The following CIT variants were observed in gnomAD, a reference collection of about 807,000 sequenced individuals.
The protein encoded by CIT is citron rho-interacting serine/threonine kinase, also known as citron Rho-interacting kinase.
In CIT, 79 loss-of-function variants were observed where a neutral mutation model predicts 272.7. That is an observed-to-expected ratio of 0.29 (90% CI 0.24 to 0.35). The LOEUF is 0.35. Among genes scored for constraint, CIT ranks in the 10% least tolerant of loss-of-function variants. The pLI is 1.00. For synonymous variants in CIT, 948 were observed against 995.6 expected, an observed-to-expected ratio of 0.95 and a Z score of 0.90; for missense variants, 1,909 against 2,618.3, an observed-to-expected ratio of 0.73 and a Z score of 5.91.
intron 3 of CIT, among the ~76,000 whole-genome samples, chr12:119,867,137 A>C (rs530106652): frequency 3.9e-5 from 6 of 152,226 alleles, no homozygotes; most frequent in African/African-American, 1.4e-4. Context: ...AATACAGAGC[A>C]GAGGAATCCC....
At chr12:119,789,394 T>A (rs193259889) in intron 10 of CIT, among the ~76,000 whole-genome samples, 22 of 152,286 alleles carry the variant, frequency 1.4e-4, no homozygotes, top group African/African-American at 5.3e-4. Flanking sequence ...TTAATGGTGG[T>A]GGGCTATGAA....
At chr12:119,709,803 T>A (rs879596800) in intron 39 of CIT, among the ~76,000 whole-genome samples, 11,658 of 137,662 alleles carry the variant, frequency 0.085, 1,092 homozygotes, top group African/African-American at 0.25. Context: ...TGTGTGTGTG[T>A]GTGTGTGTGT....
chr12:119,872,173 GC>G (rs1289571215), intron 2 of CIT, among the ~76,000 whole-genome samples: 1 of 152,072 alleles, frequency 6.6e-6, no homozygotes, highest in African/African-American at 2.4e-5. Flanking sequence ...TTCTTAAAAT[GC>G]CCTTTATGAA....
intron 39 of CIT, 126 bp from the exon 40 acceptor site, chr12:119,708,444 C>G: frequency 1.1e-6 from 1 of 943,144 alleles, no homozygotes; most frequent in Non-Finnish European, 1.5e-6. Flanking sequence ...GAGTTTTCCA[C>G]AAATCCATAT....
At chr12:119,704,557 G>C (rs1956773184) in intron 40 of CIT, 102 bp from the exon 41 acceptor site, 5 of 992,046 alleles carry the variant, frequency 5.0e-6, no homozygotes, top group Non-Finnish European at 7.7e-6. Context: ...TGATGATTCA[G>C]ACCAGATCAT....
At chr12:119,871,911 T>C (rs940422883) in intron 2 of CIT, among the ~76,000 whole-genome samples, 1 of 152,196 alleles carries the variant, frequency 6.6e-6, no homozygotes, top group Non-Finnish European at 1.5e-5. Flanking sequence ...AAGGCCACCA[T>C]ATCTGTCACT....
In CIT at chr12:119,686,147, C is replaced by T. The variant is rs879177268; in HGVS notation, c.*2085G>A. The T allele has an allele frequency of 2.7e-5, 4 of 150,602 alleles. No homozygotes were observed. Among genetic ancestry groups the T allele is most frequent in the African/African-American group, 7.3e-5 (3 of 40,914 alleles). 9.3% of individuals were successfully genotyped at this position (150,602 alleles called of 1,614,324 possible). ...ATTCAATTTCCTCTTTTTTTTTTTA[C>T]GAATATAAAGTTTCTTGTAAATATG... On this transcript the variant is annotated 3_prime_UTR_variant, in exon 48 of 48. Coordinates refer to ENST00000392521, the MANE Select transcript of CIT (RefSeq NM_001206999.2).
chr12:119,829,769 G>C (rs1269802208), intron 7 of CIT, among the ~76,000 whole-genome samples: 1 of 152,170 alleles, frequency 6.6e-6, no homozygotes, highest in East Asian at 1.9e-4. Flanking sequence ...ACTAGGCCCT[G>C]TGTTTACTAA....
chr12:119,787,482 A>C (rs796465069), intron 10 of CIT, among the ~76,000 whole-genome samples: 9 of 151,770 alleles, frequency 5.9e-5, no homozygotes, highest in African/African-American at 2.2e-4. Flanking sequence ...CTGTAATCTC[A>C]GCACTTTGGG....
chr12:119,735,843 G>C (rs1005182120), intron 24 of CIT, among the ~76,000 whole-genome samples: 1 of 152,096 alleles, frequency 6.6e-6, no homozygotes, highest in Admixed American at 6.5e-5. Flanking sequence ...GACGCCAGGA[G>C]TTATTTCGAT....
At chr12:119,742,501 G>T in intron 23 of CIT, 37 bp from the exon 24 acceptor site, 4 of 1,524,684 alleles carry the variant, frequency 2.6e-6, no homozygotes, top group Non-Finnish European at 2.7e-6. Context: ...TTTTTCATAG[G>T]GTAGAATACA....
intron 5 of CIT, among the ~76,000 whole-genome samples, chr12:119,845,643 ACT>A (rs1969745256): frequency 7.6e-6 from 1 of 131,902 alleles, no homozygotes; most frequent in Non-Finnish European, 1.6e-5. Context: ...ACAGAGCAAG[ACT>A]CTGTCTCAAA....
intron 9 of CIT, among the ~76,000 whole-genome samples, chr12:119,812,456 T>C (rs1489841903): frequency 6.6e-6 from 1 of 152,040 alleles, no homozygotes; most frequent in South Asian, 2.1e-4. Context: ...TTTTTTTTTT[T>C]AGAGACAGTG....
At position 119,803,247 on chromosome 12, in the gene CIT, C is replaced by G. The variant is rs755979703; in HGVS notation, c.1254G>C (p.Gly418=). The G allele has an allele frequency of 1.3e-6, 2 of 1,598,112 alleles. No homozygotes were observed. Among genetic ancestry groups the G allele is most frequent in the Non-Finnish European group, 1.7e-6 (2 of 1,173,784 alleles). The part of the protein sequence containing the change: ...GFSGEELPFV[G]FSYSKALGIL... ...TCCCCAGTGCCTTGCTGTACGAAAA[C>G]CCCACAAACGGCAGTTCTTCACCCG... The change falls in exon 10 of 48, where the codon GGG becomes GGC. Residue 418 remains glycine (G), a synonymous_variant. Transcript: ENST00000392521.
intron 5 of CIT, among the ~76,000 whole-genome samples, chr12:119,835,909 T>G (rs577778485): frequency 2.8e-4 from 43 of 152,236 alleles, no homozygotes; most frequent in Non-Finnish European, 5.1e-4. Context: ...TTCACATGGT[T>G]TCTGACAACA....
At chr12:119,835,218 G>A (rs1159682430) in intron 5 of CIT, among the ~76,000 whole-genome samples, 1 of 152,216 alleles carries the variant, frequency 6.6e-6, no homozygotes, top group Admixed American at 6.5e-5. Flanking sequence ...CAGTTAGCCT[G>A]GGCGGCTTCA....
intron 47 of CIT, among the ~76,000 whole-genome samples, chr12:119,689,728 A>C (rs1955817894): frequency 8.6e-6 from 1 of 115,946 alleles, no homozygotes; most frequent in Non-Finnish European, 1.6e-5. Flanking sequence ...CCCAGGCTGG[A>C]GTGCAGTGGC....
At chr12:119,840,290 C>T (rs1272705452) in intron 5 of CIT, among the ~76,000 whole-genome samples, 1 of 152,176 alleles carries the variant, frequency 6.6e-6, no homozygotes, top group South Asian at 2.1e-4. Flanking sequence ...TGCACTCCAG[C>T]TTGGATGACA....
At chr12:119,872,436 T>G (rs1950709101) in intron 2 of CIT, among the ~76,000 whole-genome samples, 1 of 152,110 alleles carries the variant, frequency 6.6e-6, no homozygotes, top group Non-Finnish European at 1.5e-5. Flanking sequence ...TATCTCAACC[T>G]CATTCAAACA....
Sources: gnomAD v4.1 joint callset for allele counts (sites outside exome capture counted in the v4.1 genomes callset) on GRCh38, gnomAD v4.1.1 for gene constraint, MANE v1.5 for transcripts, NCBI Gene and HGNC (gene_info 2026-07-23, HGNC 2026-07-21) for gene names.